Variants in GUCA1C observed in about 807,000 individuals in gnomAD.
GUCA1C encodes the protein guanylyl cyclase-activating protein 3.
In GUCA1C, 15 loss-of-function variants were observed where a neutral mutation model predicts 16.2. That is an observed-to-expected ratio of 0.93 (90% CI 0.62 to 1.43). The LOEUF (loss-of-function observed/expected upper bound fraction) is 1.43. Among genes scored for constraint, GUCA1C ranks in the 40% most tolerant of loss-of-function variants. The pLI, the probability that GUCA1C is intolerant of heterozygous loss-of-function variation, is 0.00. For synonymous variants in GUCA1C, 78 were observed against 85.4 expected (o/e 0.91, Z 0.48); for missense variants, 275 against 244.8 (o/e 1.12, Z -0.82).
intron 1 of GUCA1C, 136 bp downstream of exon 1, chr3:108,953,423 G>T: frequency 1.6e-6 from 1 of 627,816 alleles, no homozygotes; most frequent in Non-Finnish European, 2.8e-6. Flanking sequence ...CCTACAAGCT[G>T]TGAGTTGCCT....
At chr3:108,910,004 G>A (rs375136142) in intron 3 of GUCA1C, among the ~76,000 whole-genome samples, 7 of 152,108 alleles carry the variant, frequency 4.6e-5, no homozygotes, top group African/African-American at 9.7e-5. Flanking sequence ...CACTATAGCC[G>A]ACGACAGTGC....
intron 1 of GUCA1C, among the ~76,000 whole-genome samples, chr3:108,923,882 T>C (rs1348370745): frequency 6.6e-6 from 1 of 152,206 alleles, no homozygotes; most frequent in African/African-American, 2.4e-5. Context: ...TGGTTAGGTA[T>C]ATTCCTAAGT....
intron 1 of GUCA1C, among the ~76,000 whole-genome samples, chr3:108,932,323 C>CAAAAAAAAAAAAAAA (rs71106610): frequency 9.8e-6 from 1 of 102,042 alleles, no homozygotes; most frequent in Non-Finnish European, 1.9e-5. Flanking sequence ...GACCTCCCAC[C>CAAAAAAAAAAAAAAA]AAAAAAAAAA....
chr3:108,928,757 G>A (rs1362173939), intron 1 of GUCA1C, among the ~76,000 whole-genome samples: 2 of 152,060 alleles, frequency 1.3e-5, no homozygotes, highest in African/African-American at 4.8e-5. Context: ...AGATATATGT[G>A]GGTCTATTTC....
Position 108,909,933 on chromosome 3 carries a change from A to T in GUCA1C, c.443-1724T>A, listed in dbSNP as rs1310654856. On this transcript the variant is annotated intron_variant, in intron 3 of 3. Transcript: ENST00000261047. ...TCCAGCACTCAACATTCATTCATTTATTCATCATGTTTATTAAGCCCTAAC... is the reference window on the plus strand; with the variant it reads ...TCCAGCACTCAACATTCATTCATTTTTTCATCATGTTTATTAAGCCCTAAC... Among the ~76,000 whole-genome samples the T allele has an allele frequency of 3.9e-5, 6 of 152,220 alleles. No homozygotes were observed. The East Asian group carries it at 1.2e-3, about 29-fold the overall frequency.
In GUCA1C at chr3:108,953,575, G is replaced by T; in HGVS notation, c.188C>A (p.Thr63Asn). Reference sequence around the variant, plus strand: ...AGATCTTACCTTGTTCGTGTCAAAGGTATTATAAACTTGATCAATATGTTT... The same window carrying T: ...AGATCTTACCTTGTTCGTGTCAAAGTTATTATAAACTTGATCAATATGTTT... ...ANKHIDQVYN[T>N]FDTNKDGFVD... is the part of the protein sequence containing the mutation. The change falls in exon 1 of 4, where the codon ACC becomes AAC. Residue 63 changes from threonine (T) to asparagine (N), a missense_variant. By Grantham distance (65) the Thr-to-Asn change is moderately conservative. Coordinates refer to ENST00000261047, the MANE Select transcript of GUCA1C (RefSeq NM_005459.4). The T allele has an allele frequency of 6.2e-7, 1 of 1,602,796 alleles. No homozygotes were observed. The highest frequency in any genetic ancestry group is 8.5e-7 in the Non-Finnish European group (1 of 1,169,876).
intron 3 of GUCA1C, among the ~76,000 whole-genome samples, chr3:108,909,360 A>AC (rs1946424482): frequency 6.6e-6 from 1 of 152,200 alleles, no homozygotes; most frequent in African/African-American, 2.4e-5. Context: ...CGTAGAATAA[A>AC]CCATAGGGAG....
At chr3:108,922,072 CT>C (rs1283822205) in intron 1 of GUCA1C, among the ~76,000 whole-genome samples, 2 of 151,792 alleles carry the variant, frequency 1.3e-5, no homozygotes, top group Non-Finnish European at 2.9e-5. Context: ...ATAGCCTCTA[CT>C]TTTTTCCAGG....
At position 108,908,077 on chromosome 3, in the gene GUCA1C, G is replaced by A. The variant is rs752983518; in HGVS notation, c.575C>T (p.Thr192Ile). 1.2e-6 allele frequency: 2 copies of A among 1,613,824 alleles called. No homozygotes were observed. Among genetic ancestry groups the A allele is most frequent in the South Asian group, 1.1e-5 (1 of 91,042 alleles). Residue 192 changes from threonine (T) to isoleucine (I), a missense_variant, in exon 4 of 4, where the codon ACA becomes ATA. Physicochemically the swap from Thr to Ile is moderately conservative, Grantham distance 89. Coordinates refer to ENST00000261047, the MANE Select transcript of GUCA1C (RefSeq NM_005459.4). ...CTTGTCAGGAGATTTGGAGGAGTCTGTCTCCATGTCTGGCTGCTTCCCATT... is the reference window on the plus strand; with the variant it reads ...CTTGTCAGGAGATTTGGAGGAGTCTATCTCCATGTCTGGCTGCTTCCCATT... ...ICNGKQPDMETDSSKSPDKAG... is the reference protein window; with the variant it reads ...ICNGKQPDMEIDSSKSPDKAG...
rs575849890 is a variant in GUCA1C, at chr3:108,934,274, C to A, written c.205-13689G>T. On this transcript the variant is annotated intron_variant, in intron 1 of 3. Transcript: ENST00000261047. ...ACAGGTTGATGGGTGCAGACAACCA[C>A]CATGCCACATGTATACCTATGTAAC... Among the ~76,000 whole-genome samples, 34 of 152,270 alleles carry A rather than the reference C, an allele frequency of 2.2e-4. 1 individual carries two copies. Among genetic ancestry groups the A allele is most frequent in the African/African-American group, 6.3e-4 (26 of 41,558 alleles).
Position 108,953,697 on chromosome 3 carries a change from C to T in GUCA1C, c.66G>A (p.Trp22Ter), listed in dbSNP as rs766140517. Residue 22 changes from tryptophan (W) to a stop codon, truncating the protein, a stop_gained, in exon 1 of 4, where the codon TGG (tryptophan) becomes TGA (stop). Transcript: ENST00000261047. LOFTEE classifies it high-confidence loss of function. ...GATATTCCATCATAAATGTTCTGTA[C>T]CACACATGGGTCTCTTGTGTAGGAA... is the stretch of plus-strand genomic sequence containing the variant. The part of the protein sequence containing the change: ...KAVPTQETHV[W>*]YRTFMMEYPS... 2.5e-6 allele frequency: 4 copies of T among 1,613,064 alleles called. No individual in the cohort carries two copies. Among genetic ancestry groups the T allele is most frequent in the Middle Eastern group, 1.6e-4 (1 of 6,078 alleles).
At chr3:108,934,626 T>C (rs765755097) in intron 1 of GUCA1C, among the ~76,000 whole-genome samples, 23 of 152,066 alleles carry the variant, frequency 1.5e-4, no homozygotes, top group Non-Finnish European at 3.1e-4. Context: ...TAGGTGCCCA[T>C]CAACAGTGGA....
intron 1 of GUCA1C, among the ~76,000 whole-genome samples, chr3:108,947,575 T>C (rs1431279876): frequency 1.3e-5 from 2 of 152,262 alleles, no homozygotes. Context: ...TTAGGTATGC[T>C]AATGGCATAG....
intron 1 of GUCA1C, among the ~76,000 whole-genome samples, chr3:108,929,682 T>C (rs993043613): frequency 4.6e-5 from 7 of 152,212 alleles, no homozygotes; most frequent in Non-Finnish European, 8.8e-5. Flanking sequence ...AATGCCATGA[T>C]AGAAGGCTGA....
intron 3 of GUCA1C, among the ~76,000 whole-genome samples, chr3:108,913,784 G>T (rs995535140): frequency 1.3e-5 from 2 of 151,948 alleles, no homozygotes; most frequent in Admixed American, 1.3e-4. Context: ...ACAAGTTTTT[G>T]GGGCTGGGCA....
At chr3:108,924,339 G>A (rs898267507) in intron 1 of GUCA1C, among the ~76,000 whole-genome samples, 3 of 152,062 alleles carry the variant, frequency 2.0e-5, no homozygotes, top group African/African-American at 7.2e-5. Context: ...TTTGCTGAGG[G>A]TTTTAATCAT....
intron 3 of GUCA1C, among the ~76,000 whole-genome samples, chr3:108,910,865 T>C (rs1404991352): frequency 6.6e-6 from 1 of 152,078 alleles, no homozygotes; most frequent in Non-Finnish European, 1.5e-5. Context: ...TTAGCCAGGA[T>C]GGTCTCGATC....
At chr3:108,936,283 T>C (rs1946726855) in intron 1 of GUCA1C, among the ~76,000 whole-genome samples, 3 of 152,042 alleles carry the variant, frequency 2.0e-5, no homozygotes, top group East Asian at 3.9e-4. Flanking sequence ...CTTATGTACA[T>C]GTGAAAATAT....
At chr3:108,934,556 CG>C (rs1457623951) in intron 1 of GUCA1C, among the ~76,000 whole-genome samples, 1 of 152,046 alleles carries the variant, frequency 6.6e-6, no homozygotes, top group Non-Finnish European at 1.5e-5. Context: ...ACCAAAAAGA[CG>C]TATGCACTTG....
Sources: allele counts gnomAD v4.1 joint callset (sites outside exome capture counted in the v4.1 genomes callset), GRCh38; gene constraint gnomAD v4.1.1; transcripts MANE v1.5; gene names NCBI Gene and HGNC (gene_info 2026-07-23, HGNC 2026-07-21).